HS6ST3: variants seen among roughly 807,000 people sequenced by gnomAD.
The protein encoded by HS6ST3 is heparan-sulfate 6-O-sulfotransferase 3.
In HS6ST3, 12 loss-of-function variants were observed where a neutral mutation model predicts 36.7. The ratio of observed to expected loss-of-function variants is 0.33; its 90% CI spans 0.21 to 0.53. The LOEUF (loss-of-function observed/expected upper bound fraction) is 0.53, where lower values mean the gene tolerates loss of function less well. Ranked by LOEUF, HS6ST3 falls within the 20% of genes least tolerant of loss-of-function variation. The pLI, the probability that HS6ST3 is intolerant of heterozygous loss-of-function variation, is 0.95. For synonymous variants in HS6ST3, 240 were observed against 257.5 expected, an observed-to-expected ratio of 0.93 and a Z score of 0.65; for missense variants, 584 against 640.9, an observed-to-expected ratio of 0.91 and a Z score of 0.96.
At chr13:96,363,032 T>A (rs1192218039) in intron 1 of HS6ST3, among the ~76,000 whole-genome samples, 1 of 151,958 alleles carries the variant, frequency 6.6e-6, no homozygotes, top group Admixed American at 6.6e-5. Context: ...GAGGTCATGA[T>A]TATAAAGGTT....
chr13:96,267,192 T>C (rs1333943180), intron 1 of HS6ST3, among the ~76,000 whole-genome samples: 1 of 152,182 alleles, frequency 6.6e-6, no homozygotes. Flanking sequence ...CCTTCCACCA[T>C]GATTTTGAGG....
chr13:96,154,578 AAG>A (rs1160330066), intron 1 of HS6ST3, among the ~76,000 whole-genome samples: 1 of 152,188 alleles, frequency 6.6e-6, no homozygotes, highest in Non-Finnish European at 1.5e-5. Context: ...TTATGAGTAA[AAG>A]AGATCGCCTC....
intron 1 of HS6ST3, among the ~76,000 whole-genome samples, chr13:96,561,892 G>A (rs1033612046): frequency 4.6e-5 from 7 of 152,182 alleles, no homozygotes; most frequent in African/African-American, 1.7e-4. Context: ...TGCTTACAAG[G>A]CTGTGGAGAA....
intron 1 of HS6ST3, among the ~76,000 whole-genome samples, chr13:96,287,716 A>G (rs974986345): frequency 6.6e-6 from 1 of 152,192 alleles, no homozygotes; most frequent in Non-Finnish European, 1.5e-5. Context: ...GGAAATAGCT[A>G]ATAAGCATTG....
At chr13:96,206,488 G>A (rs915213171) in intron 1 of HS6ST3, among the ~76,000 whole-genome samples, 1 of 152,014 alleles carries the variant, frequency 6.6e-6, no homozygotes, top group Non-Finnish European at 1.5e-5. Flanking sequence ...CAAAAAAGAG[G>A]CTGAATAGCC....
At chr13:96,509,453 T>C (rs1187440050) in intron 1 of HS6ST3, among the ~76,000 whole-genome samples, 1 of 152,200 alleles carries the variant, frequency 6.6e-6, no homozygotes, top group African/African-American at 2.4e-5. Context: ...TCCAATGTTG[T>C]CTTATAGAAT....
intron 1 of HS6ST3, among the ~76,000 whole-genome samples, chr13:96,141,716 C>CCA (rs2054032778): frequency 6.6e-6 from 1 of 152,048 alleles, no homozygotes; most frequent in Non-Finnish European, 1.5e-5. Flanking sequence ...CCAAAGTGAT[C>CCA]GACTTGCTCC....
At chr13:96,649,477 C>T (rs1237130242) in intron 1 of HS6ST3, among the ~76,000 whole-genome samples, 2 of 152,056 alleles carry the variant, frequency 1.3e-5, no homozygotes, top group East Asian at 1.9e-4. Flanking sequence ...CACAGCCAGA[C>T]CATATCACCA....
chr13:96,609,976 A>G (rs2056452123), intron 1 of HS6ST3, among the ~76,000 whole-genome samples: 1 of 152,196 alleles, frequency 6.6e-6, no homozygotes, highest in African/African-American at 2.4e-5. Flanking sequence ...AACAGCTATT[A>G]TGCTTGTTTT....
intron 1 of HS6ST3, among the ~76,000 whole-genome samples, chr13:96,308,433 G>A (rs767632365): frequency 5.9e-5 from 9 of 151,998 alleles, no homozygotes; most frequent in Non-Finnish European, 1.2e-4. Context: ...CCAAAATCAG[G>A]CACCTGAGTT....
intron 1 of HS6ST3, among the ~76,000 whole-genome samples, chr13:96,299,675 A>AGTC (rs2054871978): frequency 6.6e-6 from 1 of 152,194 alleles, no homozygotes; most frequent in African/African-American, 2.4e-5. Flanking sequence ...TTTAGCATGA[A>AGTC]GTCTACCAGG....
rs200225555 is a variant in HS6ST3 at position 96,434,989 on chromosome 13, AT to A, written c.707+343430del. Among the ~76,000 whole-genome samples the A allele has an allele frequency of 9.1e-4, 138 of 150,986 alleles. 3 individuals are homozygous for A. The highest frequency in any genetic ancestry group is 6.1e-3 in the Admixed American group (92 of 15,090). ...AACCATTTTTGTCTGCCTAACTTTA[AT>A]TTTTTTTTTCCTTTCTCTCTGAGTA... On this transcript the variant is annotated intron_variant, in intron 1 of 1. Transcript: ENST00000376705.
intron 1 of HS6ST3, among the ~76,000 whole-genome samples, chr13:96,607,691 T>A (rs1248471070): frequency 5.3e-5 from 8 of 152,288 alleles, no homozygotes; most frequent in African/African-American, 1.9e-4. Flanking sequence ...ATTGTTAGGT[T>A]CTGAGACTAT....
intron 1 of HS6ST3, among the ~76,000 whole-genome samples, chr13:96,765,588 T>TCTCTCTCTCTCTC (rs1877089470): frequency 1.4e-5 from 2 of 142,596 alleles, no homozygotes; most frequent in Non-Finnish European, 3.1e-5. Context: ...CTCTCTCTCT[T>TCTCTCTCTCTCTC]TCTCTCTCTC....
intron 1 of HS6ST3, among the ~76,000 whole-genome samples, chr13:96,355,381 AC>A (rs2055204694): frequency 6.6e-6 from 1 of 150,822 alleles, no homozygotes; most frequent in African/African-American, 2.5e-5. Context: ...ACACACACAC[AC>A]ACACACACAC....
chr13:96,566,563 A>G (rs1469978777), intron 1 of HS6ST3, among the ~76,000 whole-genome samples: 2 of 152,212 alleles, frequency 1.3e-5, no homozygotes, highest in African/African-American at 4.8e-5. Flanking sequence ...AGGAAAACAT[A>G]AAAGAAAAGA....
At chr13:96,138,093 G>C (rs1238917286) in intron 1 of HS6ST3, among the ~76,000 whole-genome samples, 1 of 152,142 alleles carries the variant, frequency 6.6e-6, no homozygotes, top group African/African-American at 2.4e-5. Flanking sequence ...CTGGAAATCT[G>C]TGAAAGTTTA....
rs2055982947 is a variant in HS6ST3 at position 96,497,457 on chromosome 13, T to C, written c.708-335033T>C. ...ACTTATTAGTTTAAAGTACTTCCTA[T>C]GTATATGCCAAATCAATCCATTTTT... On this transcript the variant is annotated intron_variant, in intron 1 of 1. Transcript: ENST00000376705. 1.3e-5 allele frequency among the ~76,000 whole-genome samples: 2 copies of C among 152,174 alleles called. 1 individual carries two copies. The highest frequency in any genetic ancestry group is 4.8e-5 in the African/African-American group (2 of 41,434).
At position 96,091,024 on chromosome 13, in the gene HS6ST3, C is replaced by A; in HGVS notation, c.162C>A (p.Pro54=). 1 of 1,253,080 alleles carries A rather than the reference C, an allele frequency of 8.0e-7. No individual in the cohort carries two copies. The highest frequency in any genetic ancestry group is 1.0e-6 in the Non-Finnish European group (1 of 996,988). 77.6% of individuals were successfully genotyped at this position (1,253,080 alleles called of 1,614,324 possible). A position where few individuals can be genotyped will look rare whatever the true frequency, so the allele number is the denominator to read the frequency against. The change falls in exon 1 of 2, where the codon CCC becomes CCA. Residue 54 remains proline (P), a synonymous_variant. Coordinates refer to ENST00000376705, the MANE Select transcript of HS6ST3 (RefSeq NM_153456.4). ...CCGGCCCGCCCGCCGTCCCGGGTCC[C>A]GCCCGCCGGGCTCAGGCGCCGCCGG... ...GEAGPPAVPG[P]ARRAQAPPEE...
Sources: gnomAD v4.1 joint callset for allele counts (sites outside exome capture counted in the v4.1 genomes callset) on GRCh38, gnomAD v4.1.1 for gene constraint, MANE v1.5 for transcripts, NCBI Gene and HGNC (gene_info 2026-07-23, HGNC 2026-07-21) for gene names.